The following RASGEF1B variants were observed in gnomAD, a reference collection of about 807,000 sequenced individuals.
RASGEF1B encodes the protein ras-GEF domain-containing family member 1B.
RASGEF1B carries 30 observed loss-of-function variants against 65.7 expected under a neutral mutation model. The ratio of observed to expected loss-of-function variants is 0.46; its 90% CI spans 0.34 to 0.62. The LOEUF is 0.62. Ranked by LOEUF, RASGEF1B falls within the 20% of genes least tolerant of loss-of-function variation. The pLI is 0.01. For synonymous variants in RASGEF1B, 175 were observed against 194.8 expected, an observed-to-expected ratio of 0.90 and a Z score of 0.85; for missense variants, 495 against 580.1, an observed-to-expected ratio of 0.85 and a Z score of 1.51.
At chr4:81,444,102 T>A (rs1721939227) in intron 8 of RASGEF1B, among the ~76,000 whole-genome samples, 1 of 152,166 alleles carries the variant, frequency 6.6e-6, no homozygotes, top group South Asian at 2.1e-4. Flanking sequence ...ACAAATCTGT[T>A]TCAGTCTTTT....
chr4:81,431,186 G>T (rs184749823), intron 13 of RASGEF1B, among the ~76,000 whole-genome samples: 2 of 151,108 alleles, frequency 1.3e-5, no homozygotes, highest in Non-Finnish European at 2.9e-5. Context: ...TACAAACACA[G>T]AGTAATACAA....
At chr4:81,436,356 T>C (rs1447451015) in intron 10 of RASGEF1B, among the ~76,000 whole-genome samples, 1 of 152,194 alleles carries the variant, frequency 6.6e-6, no homozygotes, top group Non-Finnish European at 1.5e-5. Flanking sequence ...GAGACAAATA[T>C]GCCCCAGGTG....
At chr4:81,455,273 C>CA (rs772674414) in intron 4 of RASGEF1B, 4 of 152,038 alleles carry the variant, frequency 2.6e-5, no homozygotes, top group Admixed American at 6.6e-5. Flanking sequence ...TTTGTCTCTA[C>CA]AAAAAATAGA....
intron 5 of RASGEF1B, among the ~76,000 whole-genome samples, chr4:81,447,798 G>A (rs1253366198): frequency 1.3e-5 from 2 of 152,094 alleles, no homozygotes; most frequent in Non-Finnish European, 2.9e-5. Context: ...AGCAGGTTTT[G>A]GAAAAACTGA....
chr4:81,449,384 C>T (rs941672531), intron 4 of RASGEF1B, among the ~76,000 whole-genome samples: 1 of 152,216 alleles, frequency 6.6e-6, no homozygotes, highest in Non-Finnish European at 1.5e-5. Flanking sequence ...TAACTGTCAA[C>T]CTCCTGACTT....
chr4:81,427,492 G>A lies in RASGEF1B; in HGVS notation c.*276C>T. On this transcript the variant is annotated 3_prime_UTR_variant, in exon 14 of 14. Coordinates refer to ENST00000264400, the MANE Select transcript of RASGEF1B (RefSeq NM_152545.3). Reference sequence around the variant, plus strand: ...TGTGATTCACATGGAAATTCCAGGAGATGAATAATGTGCAGAGCCGGGATT... The same window carrying A: ...TGTGATTCACATGGAAATTCCAGGAAATGAATAATGTGCAGAGCCGGGATT... The A allele has an allele frequency of 2.4e-6, 1 of 410,170 alleles. No individual in the cohort carries two copies. The highest frequency in any genetic ancestry group is 4.3e-6 in the Non-Finnish European group (1 of 232,942). The allele number at this position is 410,170 out of a possible 1,614,324, so 25.4% of individuals were successfully genotyped here.
intron 3 of RASGEF1B, 112 bp from the exon 4 acceptor site, chr4:81,456,900 TGAA>T (rs1363044319): frequency 1.0e-6 from 1 of 966,596 alleles, no homozygotes; most frequent in East Asian, 2.5e-5. Context: ...TCTTTAGGGA[TGAA>T]GAAGAAGCTC....
chr4:81,434,148 C>T (rs778495703), intron 11 of RASGEF1B, among the ~76,000 whole-genome samples, 185 bp from the exon 12 acceptor site: 1 of 152,040 alleles, frequency 6.6e-6, no homozygotes, highest in South Asian at 2.1e-4. Flanking sequence ...CTCCTGGGCT[C>T]GAGCAATCCT....
chr4:81,445,953 G>A (rs916157029), intron 6 of RASGEF1B, 115 bp from the exon 7 acceptor site: 8 of 702,254 alleles, frequency 1.1e-5, no homozygotes, highest in Admixed American at 2.7e-5. Flanking sequence ...AAGCTTTTGA[G>A]AACAACAGAA....
intron 6 of RASGEF1B, among the ~76,000 whole-genome samples, chr4:81,447,299 T>A (rs1314807831): frequency 6.6e-6 from 1 of 152,086 alleles, no homozygotes; most frequent in Non-Finnish European, 1.5e-5. Context: ...GGCTACAAGT[T>A]AGTGATGGGG....
At chr4:81,470,879 G>A (rs959782168) in intron 1 of RASGEF1B, 2 of 152,196 alleles carry the variant, frequency 1.3e-5, no homozygotes, top group African/African-American at 4.8e-5. Flanking sequence ...GTATTGAAAT[G>A]GTACGTCCAT....
At position 81,447,593 on chromosome 4, in the gene RASGEF1B, C is replaced by T. The variant is rs758525657; in HGVS notation, c.655-15G>A. 1 of 1,607,144 alleles carries T rather than the reference C, an allele frequency of 6.2e-7. No individual in the cohort carries two copies. The highest frequency in any genetic ancestry group is 8.5e-7 in the Non-Finnish European group (1 of 1,173,728). On this transcript the variant is annotated splice_polypyrimidine_tract_variant and intron_variant, in intron 5 of 13. Transcript: ENST00000264400. ...TTGAGCCTCTCCTGAAACACAAACC[C>T]AGAAGGTCAACAGTATTAAAGAAAA...
At chr4:81,438,663 C>T (rs558719581) in intron 10 of RASGEF1B, among the ~76,000 whole-genome samples, 18 of 152,282 alleles carry the variant, frequency 1.2e-4, no homozygotes, top group African/African-American at 4.3e-4. Context: ...ATCAACCCGT[C>T]ATCTAGGTTT....
At chr4:81,439,330 A>G (rs1230332922) in intron 10 of RASGEF1B, among the ~76,000 whole-genome samples, 1 of 152,244 alleles carries the variant, frequency 6.6e-6, no homozygotes, top group Non-Finnish European at 1.5e-5. Flanking sequence ...AGTACAATTT[A>G]TATGTTCACA....
intron 1 of RASGEF1B, among the ~76,000 whole-genome samples, chr4:81,462,202 C>T (rs558312936): frequency 1.3e-5 from 2 of 152,148 alleles, no homozygotes; most frequent in African/African-American, 4.8e-5. Flanking sequence ...AACAAAACTA[C>T]TTATCTTCTT....
At chr4:81,439,095 T>G (rs1026487709) in intron 10 of RASGEF1B, among the ~76,000 whole-genome samples, 1 of 152,142 alleles carries the variant, frequency 6.6e-6, no homozygotes, top group East Asian at 1.9e-4. Flanking sequence ...CCTTTGAGTA[T>G]ATACCCAGGA....
chr4:81,438,570 A>T (rs938652944), intron 10 of RASGEF1B, among the ~76,000 whole-genome samples: 3 of 152,224 alleles, frequency 2.0e-5, no homozygotes, highest in Non-Finnish European at 2.9e-5. Context: ...TTTTTTGTTT[A>T]AATTTTAAGT....
At chr4:81,457,698 T>G in intron 2 of RASGEF1B, 77 bp from the exon 3 acceptor site, 1 of 1,508,996 alleles carries the variant, frequency 6.6e-7, no homozygotes. Context: ...ATGTCTTATT[T>G]CATTAAGTTC....
chr4:81,466,531 G>A (rs544408668), intron 1 of RASGEF1B, among the ~76,000 whole-genome samples: 2 of 151,998 alleles, frequency 1.3e-5, no homozygotes, highest in African/African-American at 4.8e-5. Flanking sequence ...AGGCTGAGGT[G>A]GGCAGATCAC....
Sources: gnomAD v4.1 joint callset for allele counts (sites outside exome capture counted in the v4.1 genomes callset) on GRCh38, gnomAD v4.1.1 for gene constraint, MANE v1.5 for transcripts, NCBI Gene and HGNC (gene_info 2026-07-23, HGNC 2026-07-21) for gene names.